HOXC4: variants seen among roughly 807,000 people sequenced by gnomAD.
HOXC4 encodes the protein homeobox C4.
In HOXC4, 15 loss-of-function variants were observed where a neutral mutation model predicts 25.5. That is an observed-to-expected ratio of 0.59 (90% CI 0.39 to 0.91). The LOEUF is 0.91. Ranked by LOEUF, HOXC4 falls within the 40% of genes least tolerant of loss-of-function variation. The pLI, the probability that HOXC4 is intolerant of heterozygous loss-of-function variation, is 0.00. For missense variants in HOXC4, 342 were observed against 352.4 expected, an observed-to-expected ratio of 0.97 and a Z score of 0.24; for synonymous variants, 165 against 148.0, an observed-to-expected ratio of 1.11 and a Z score of -0.83.
At chr12:54,034,382 G>A in intron 1 of HOXC4, 1 of 1,614,144 alleles carries the variant, frequency 6.2e-7, no homozygotes. Flanking sequence ...CAGGCGCATA[G>A]AGATCGCCAA....
upstream of HOXC4, chr12:54,053,308 C>T (rs1937889803): frequency 6.5e-6 from 1 of 152,810 alleles, no homozygotes; most frequent in African/African-American, 2.4e-5. Context: ...GGGCTGGACT[C>T]TGGTATCCTT....
intron 1 of HOXC4, among the ~76,000 whole-genome samples, chr12:54,024,902 T>C (rs1426133291): frequency 6.6e-6 from 1 of 152,260 alleles, no homozygotes; most frequent in African/African-American, 2.4e-5. Flanking sequence ...GTGTTTTGCA[T>C]TGGAGAGGAC....
At chr12:54,033,316 C>G in intron 1 of HOXC4, 1 of 1,613,964 alleles carries the variant, frequency 6.2e-7, no homozygotes, top group Non-Finnish European at 8.5e-7. Flanking sequence ...GACATGGCTG[C>G]CAACCCCCGG....
chr12:54,034,219 C>A, intron 1 of HOXC4: 3 of 1,467,946 alleles, frequency 2.0e-6, no homozygotes, highest in Admixed American at 1.7e-5. Flanking sequence ...GGGGTGGGGA[C>A]GGGGGAACGC....
At chr12:54,028,246 CATATAT>C (rs147627891) in intron 1 of HOXC4, 3,537 of 149,404 alleles carry the variant, frequency 0.024, 146 homozygotes, top group African/African-American at 0.091. Context: ...AGTTCCCTTA[CATATAT>C]ATATATATAT....
upstream of HOXC4, among the ~76,000 whole-genome samples, chr12:54,052,943 G>A (rs1937881572): frequency 1.3e-5 from 2 of 152,170 alleles, no homozygotes; most frequent in African/African-American, 4.8e-5. Context: ...ACCATCACAG[G>A]GCACTGACTC....
Position 54,024,968 on chromosome 12 carries a change from C to T in HOXC4, c.-124+7554C>T, listed in dbSNP as rs79516155. Among the ~76,000 whole-genome samples the T allele has an allele frequency of 8.0e-3, 1,223 of 152,248 alleles. 14 individuals carry two copies. The highest frequency in any genetic ancestry group is 0.027 in the African/African-American group (1,135 of 41,544). On this transcript the variant is annotated intron_variant, in intron 1 of 3. Coordinates refer to the HOXC4 transcript ENST00000303406. The stretch of plus-strand genomic sequence containing the variant: ...ATTCTTTTTCTGTGTTTTTTGAATT[C>T]TGTTTTTGAATCCACTAATTAAAGC...
At chr12:54,039,742 C>T (rs148392047) in intron 1 of HOXC4, among the ~76,000 whole-genome samples, 11 of 152,170 alleles carry the variant, frequency 7.2e-5, no homozygotes, top group African/African-American at 2.2e-4. Flanking sequence ...TCCCCACCCT[C>T]CAGCCTCCCC....
At chr12:54,052,790 T>G (rs1390097065), upstream of HOXC4, among the ~76,000 whole-genome samples, 2 of 152,174 alleles carry the variant, frequency 1.3e-5, no homozygotes, top group African/African-American at 4.8e-5. Flanking sequence ...CCTTTAGGAA[T>G]TCGTGTTTAC....
chr12:54,051,116 G>A (rs751925721), upstream of HOXC4, among the ~76,000 whole-genome samples: 2 of 152,118 alleles, frequency 1.3e-5, no homozygotes, highest in African/African-American at 4.8e-5. Flanking sequence ...GAGGGTTAGC[G>A]TCAGGGCACG....
intron 1 of HOXC4, among the ~76,000 whole-genome samples, chr12:54,040,268 C>A (rs1941249563): frequency 6.6e-6 from 1 of 152,126 alleles, no homozygotes; most frequent in South Asian, 2.1e-4. Flanking sequence ...AAGGAGAGGT[C>A]AAGCAACCAA....
Position 54,053,838 on chromosome 12 carries a change from T to C in HOXC4, c.-85T>C. On this transcript the variant is annotated 5_prime_UTR_variant, in exon 1 of 2. Transcript: ENST00000430889. ...GGAGGAGTCACATGGTGAAAGTAAC[T>C]TTACAGGGTCGCTAGCTAGTAGGAG... 9.2e-7 allele frequency: 1 copy of C among 1,081,774 alleles called. No individual in the cohort carries two copies. Among genetic ancestry groups the C allele is most frequent in the Non-Finnish European group, 1.4e-6 (1 of 727,988 alleles). The allele number at this position is 1,081,774 out of a possible 1,614,324, so 67.0% of individuals were successfully genotyped here. A position where few individuals can be genotyped will look rare whatever the true frequency, so the allele number is the denominator to read the frequency against.
intron 1 of HOXC4, chr12:54,033,340 GC>G (rs1565745295): frequency 6.2e-6 from 10 of 1,612,616 alleles, no homozygotes; most frequent in Non-Finnish European, 8.5e-6. Flanking sequence ...CACCCCGACC[GC>G]CCCGCCTGCA....
In HOXC4 at chr12:54,043,920, G is replaced by C. The variant is rs531252625; in HGVS notation, c.-123-9240G>C. Reference sequence around the variant, plus strand: ...ACTTTCTGGCTGGAAAACACAGGCTGTGTGTGTGTGTGTGTGTGTGTGTGT... The same window carrying C: ...ACTTTCTGGCTGGAAAACACAGGCTCTGTGTGTGTGTGTGTGTGTGTGTGT... On this transcript the variant is annotated intron_variant, in intron 1 of 3. Transcript: ENST00000303406. Among the ~76,000 whole-genome samples, 29 of 48,334 alleles carry C rather than the reference G, an allele frequency of 6.0e-4. 1 individual carries two copies. In the South Asian group the frequency reaches 0.025, roughly 42 times the overall value. The allele number at this position is 48,334 out of a possible 152,430, so 31.7% of individuals were successfully genotyped here. A position where few individuals can be genotyped will look rare whatever the true frequency, so the allele number is the denominator to read the frequency against.
At chr12:54,029,630 G>T in intron 1 of HOXC4, 1 of 1,603,788 alleles carries the variant, frequency 6.2e-7, no homozygotes, top group South Asian at 1.1e-5. Flanking sequence ...ATTGCTTTTA[G>T]TGTGTTTTGT....
At chr12:54,051,324 T>C (rs1048097626), upstream of HOXC4, among the ~76,000 whole-genome samples, 11 of 152,034 alleles carry the variant, frequency 7.2e-5, no homozygotes, top group African/African-American at 2.4e-4. Flanking sequence ...GGTGGAGCCA[T>C]CTGGGACTAC....
chr12:54,022,382 C>G (rs1162853023), intron 1 of HOXC4: 1 of 152,172 alleles, frequency 6.6e-6, no homozygotes, highest in Admixed American at 6.5e-5. Context: ...CTATATGTCT[C>G]CAATCCTGCC....
chr12:54,033,526 C>CG (rs1565745577), intron 1 of HOXC4: 1 of 1,561,098 alleles, frequency 6.4e-7, no homozygotes. Flanking sequence ...AGCCAGCCAC[C>CG]GGCCCCGCCA....
upstream of HOXC4, among the ~76,000 whole-genome samples, chr12:54,052,191 A>AGGAGGGAGCAG (rs1937861154): frequency 6.6e-6 from 1 of 152,200 alleles, no homozygotes; most frequent in Admixed American, 6.5e-5. Context: ...TTTCGTGGAA[A>AGGAGGGAGCAG]GGAGGGAGCA....
Sources: gnomAD v4.1 joint callset for allele counts (sites outside exome capture counted in the v4.1 genomes callset) on GRCh38, gnomAD v4.1.1 for gene constraint, MANE v1.5 for transcripts, NCBI Gene and HGNC (gene_info 2026-07-23, HGNC 2026-07-21) for gene names.